ARL6IP6: variants seen among roughly 807,000 people sequenced by gnomAD.
ARL6IP6 encodes ADP-ribosylation factor-like protein 6-interacting protein 6.
In ARL6IP6, 22 loss-of-function variants were observed where a neutral mutation model predicts 21.5. That is an observed-to-expected ratio of 1.02 (90% CI 0.73 to 1.46). The LOEUF is 1.46. Among genes scored for constraint, ARL6IP6 ranks in the 40% most tolerant of loss-of-function variants. The pLI is 0.00. For synonymous variants in ARL6IP6, 164 were observed against 125.3 expected, an observed-to-expected ratio of 1.31 and a Z score of -2.06; for missense variants, 388 against 299.8, an observed-to-expected ratio of 1.29 and a Z score of -2.17.
chr2:152,734,298 C>T (rs996575410), intron 2 of ARL6IP6, among the ~76,000 whole-genome samples: 1 of 152,110 alleles, frequency 6.6e-6, no homozygotes, highest in East Asian at 1.9e-4. Flanking sequence ...CAGGAGTCAA[C>T]TTTTGTTCAT....
rs199972413 is a variant in ARL6IP6, at chr2:152,745,551, AG to A, written c.587+10426del. On this transcript the variant is annotated intron_variant, in intron 3 of 3. Coordinates refer to ENST00000326446, the MANE Select transcript of ARL6IP6 (RefSeq NM_152522.7). ...TAGAAATTTCTTTTCCATGCAGACT[AG>A]ATTTAACATTGAGCACAGTGAATTG... Among the ~76,000 whole-genome samples, 1,044 of 152,346 alleles carry A rather than the reference AG, an allele frequency of 6.9e-3. 13 individuals are homozygous for A. The highest frequency in any genetic ancestry group is 0.023 in the African/African-American group (972 of 41,582).
At position 152,718,686 on chromosome 2, in the gene ARL6IP6, G is replaced by A. The variant is rs1422554601; in HGVS notation, c.62G>A (p.Gly21Asp). 2 of 1,592,570 alleles carry A rather than the reference G, an allele frequency of 1.3e-6. No individual in the cohort carries two copies. Among genetic ancestry groups the A allele is most frequent in the Non-Finnish European group, 1.7e-6 (2 of 1,167,840 alleles). Residue 21 changes from glycine to aspartate, a missense_variant, in exon 1 of 4, where the codon GGC (glycine) becomes GAC (aspartate). Gly to Asp is a moderately conservative substitution (Grantham distance 94). Coordinates refer to ENST00000326446, the MANE Select transcript of ARL6IP6 (RefSeq NM_152522.7). ...CGGCGCCGCGGTCCCGGCACCCCGG[G>A]CCCTGTGGCTCGGCCATCGTATTCC... ...ALRRRGPGTPGPVARPSYSSF... is the reference protein window; with the variant it reads ...ALRRRGPGTPDPVARPSYSSF...
chr2:152,746,001 CTTTTTT>C (rs67760283), intron 3 of ARL6IP6, among the ~76,000 whole-genome samples: 1,105 of 66,302 alleles, frequency 0.017, 25 homozygotes, highest in African/African-American at 0.097. Flanking sequence ...TGCTTTGTAC[CTTTTTT>C]TTTTTTTTTT....
chr2:152,732,268 C>T (rs540445506), intron 2 of ARL6IP6, among the ~76,000 whole-genome samples: 10 of 152,102 alleles, frequency 6.6e-5, no homozygotes, highest in African/African-American at 2.4e-4. Flanking sequence ...AACTGCTCTC[C>T]ATAGAAATTA....
rs1368451233 is a variant in ARL6IP6 at position 152,760,842 on chromosome 2, A to G, written c.*1002A>G. On this transcript the variant is annotated 3_prime_UTR_variant, in exon 4 of 4. Coordinates refer to ENST00000326446, the MANE Select transcript of ARL6IP6 (RefSeq NM_152522.7). ...TTACCAAAGTAGAAAAGGTATTTTG[A>G]TACTAGATATTAAAAACTACATATA... 6.6e-6 allele frequency: 1 copy of G among 151,994 alleles called. No individual in the cohort carries two copies. The highest frequency in any genetic ancestry group is 6.6e-5 in the Admixed American group (1 of 15,238). The allele number at this position is 151,994 out of a possible 1,614,324, so 9.4% of individuals were successfully genotyped here.
Position 152,760,121 on chromosome 2 carries a change from T to C in ARL6IP6, c.*281T>C. 4.1e-6 allele frequency: 1 copy of C among 242,674 alleles called. No homozygotes were observed. Among genetic ancestry groups the C allele is most frequent in the Non-Finnish European group, 8.0e-6 (1 of 125,356 alleles). The allele number at this position is 242,674 out of a possible 1,614,324, so 15.0% of individuals were successfully genotyped here. ...TTTTTACTTTTGTGTGTGTAGTTCT[T>C]TCAAGTTGTAGGAAACATTTTAATG... On this transcript the variant is annotated 3_prime_UTR_variant, in exon 4 of 4. Transcript: ENST00000326446.
chr2:152,739,696 G>A (rs976145467), intron 3 of ARL6IP6, among the ~76,000 whole-genome samples: 22 of 152,164 alleles, frequency 1.4e-4, no homozygotes, highest in Admixed American at 2.6e-4. Context: ...GCAGCAACCC[G>A]CTCTACCGGT....
chr2:152,722,054 CTTTTGCTGT>C (rs1212114440), intron 2 of ARL6IP6, among the ~76,000 whole-genome samples: 2 of 152,120 alleles, frequency 1.3e-5, no homozygotes, highest in Non-Finnish European at 2.9e-5. Context: ...AATTCTAAAC[CTTTTGCTGT>C]TTAAAAGTTG....
intron 3 of ARL6IP6, among the ~76,000 whole-genome samples, chr2:152,737,856 A>C (rs1038716239): frequency 4.6e-5 from 7 of 152,058 alleles, no homozygotes; most frequent in African/African-American, 1.7e-4. Flanking sequence ...ACCTCTCCCA[A>C]ATCTCATGTC....
chr2:152,751,544 C>G (rs1205984911), intron 3 of ARL6IP6, among the ~76,000 whole-genome samples: 1 of 152,194 alleles, frequency 6.6e-6, no homozygotes, highest in African/African-American at 2.4e-5. Context: ...CACCACCCTT[C>G]TCAACCTCGA....
intron 3 of ARL6IP6, among the ~76,000 whole-genome samples, chr2:152,739,127 C>T (rs938169350): frequency 2.6e-5 from 4 of 151,980 alleles, no homozygotes; most frequent in Non-Finnish European, 4.4e-5. Context: ...GGACTACAGG[C>T]GCCCACCACC....
chr2:152,719,764 A>C lies in ARL6IP6; in HGVS notation c.400+740A>C, dbSNP rs5011862. ...GCCAAGTTACTGAAAAAAAAAAAAA[A>C]AAAAAAAAAACAAAAGAACTTTGTT... On this transcript the variant is annotated intron_variant, in intron 1 of 3. Transcript: ENST00000326446. 2.8e-3 allele frequency: 707 copies of C among 248,658 alleles called. 2 individuals are homozygous for C. The highest frequency in any genetic ancestry group is 3.9e-3 in the East Asian group (30 of 7,748). 15.4% of individuals were successfully genotyped at this position (248,658 alleles called of 1,614,324 possible).
In ARL6IP6 at chr2:152,718,875, C is replaced by G; in HGVS notation, c.251C>G (p.Pro84Arg). The change falls in exon 1 of 4, where the codon CCC becomes CGC. Residue 84 changes from proline to arginine, a missense_variant. Transcript: ENST00000326446. ...PPDGNGSPVL[P>R]DKRNGIFPAA... ...GACGGGAACGGGTCGCCCGTTCTGC[C>G]CGATAAGCGCAATGGTATCTTTCCC... is the stretch of plus-strand genomic sequence containing the variant. The G allele has an allele frequency of 6.2e-7, 1 of 1,613,810 alleles. No individual in the cohort carries two copies. The highest frequency in any genetic ancestry group is 1.1e-5 in the South Asian group (1 of 91,006).
chr2:152,755,321 G>A (rs1701532039), intron 3 of ARL6IP6, among the ~76,000 whole-genome samples: 1 of 152,134 alleles, frequency 6.6e-6, no homozygotes, highest in South Asian at 2.1e-4. Context: ...TTCCCCGGGG[G>A]AGTTTAGGGA....
At chr2:152,756,117 T>G (rs1002589117) in intron 3 of ARL6IP6, among the ~76,000 whole-genome samples, 1 of 152,224 alleles carries the variant, frequency 6.6e-6, no homozygotes, top group African/African-American at 2.4e-5. Flanking sequence ...TTTAGTTTCT[T>G]GTGCTTTTGT....
At chr2:152,729,739 A>G (rs574019296) in intron 2 of ARL6IP6, among the ~76,000 whole-genome samples, 3 of 152,210 alleles carry the variant, frequency 2.0e-5, no homozygotes, top group African/African-American at 4.8e-5. Context: ...AGCTTTATAT[A>G]TGTACCTGTA....
At chr2:152,749,678 T>C (rs1701229632) in intron 3 of ARL6IP6, among the ~76,000 whole-genome samples, 1 of 152,206 alleles carries the variant, frequency 6.6e-6, no homozygotes, top group Non-Finnish European at 1.5e-5. Flanking sequence ...AATGTTGCCA[T>C]CTTCATACCC....
At chr2:152,730,764 A>G (rs1329290945) in intron 2 of ARL6IP6, among the ~76,000 whole-genome samples, 1 of 152,114 alleles carries the variant, frequency 6.6e-6, no homozygotes, top group Non-Finnish European at 1.5e-5. Flanking sequence ...CCACATGACC[A>G]TGTGGTGTTT....
chr2:152,745,363 G>A lies in ARL6IP6; in HGVS notation c.587+10237G>A, dbSNP rs1156543347. Among the ~76,000 whole-genome samples, 3 of 152,144 alleles carry A rather than the reference G, an allele frequency of 2.0e-5. 1 individual carries two copies. The highest frequency in any genetic ancestry group is 7.2e-5 in the African/African-American group (3 of 41,438). ...CACTCAGTTTTCTTTAATACAGTTA[G>A]CCTATCCTCATAACTAAATACAAGC... On this transcript the variant is annotated intron_variant, in intron 3 of 3. Coordinates refer to ENST00000326446, the MANE Select transcript of ARL6IP6 (RefSeq NM_152522.7).
Sources: allele counts gnomAD v4.1 joint callset (sites outside exome capture counted in the v4.1 genomes callset), GRCh38; gene constraint gnomAD v4.1.1; transcripts MANE v1.5; gene names NCBI Gene and HGNC (gene_info 2026-07-23, HGNC 2026-07-21).